The following RAPGEF1 variants were observed in gnomAD, a reference collection of about 807,000 sequenced individuals.
RAPGEF1 encodes CRK SH3-binding GNRP.
In RAPGEF1, 33 loss-of-function variants were observed where a neutral mutation model predicts 143.3. The ratio of observed to expected loss-of-function variants is 0.23; its 90% CI spans 0.17 to 0.31. RAPGEF1 has a LOEUF of 0.31. Among genes scored for constraint, RAPGEF1 ranks in the 10% least tolerant of loss-of-function variants. The pLI, the probability that RAPGEF1 is intolerant of heterozygous loss-of-function variation, is 1.00. For missense variants in RAPGEF1, 1,199 were observed against 1,645.4 expected (o/e 0.73, Z 4.69); for synonymous variants, 629 against 676.5 (o/e 0.93, Z 1.09).
At chr9:131,601,023 T>C (rs1956179247) in intron 15 of RAPGEF1, among the ~76,000 whole-genome samples, 1 of 151,908 alleles carries the variant, frequency 6.6e-6, no homozygotes, top group Non-Finnish European at 1.5e-5. Context: ...AAATAAAAAC[T>C]TAGCCGGGCA....
In RAPGEF1 at chr9:131,589,954, G is replaced by A. The variant is rs777346688; in HGVS notation, c.2799C>T (p.Ala933=). Residue 933 remains alanine (A), a synonymous_variant, in exon 19 of 27, where the codon GCC becomes GCT. Transcript: ENST00000683357. The stretch of plus-strand genomic sequence containing the variant: ...TGCTGACGCGCTTCTTGAATGTGTC[G>A]GCAAAGGGAGAGAATTTCTCATATG... The part of the protein sequence containing the change: ...QYRYEKFSPF[A]DTFKKRVSKN... The A allele has an allele frequency of 3.7e-6, 6 of 1,613,518 alleles. No homozygotes were observed. The highest frequency in any genetic ancestry group is 1.7e-5 in the Admixed American group (1 of 59,988).
Position 131,603,993 on chromosome 9 carries a change from G to C in RAPGEF1, c.2380C>G (p.Gln794Glu). ...GAGGGAGCCAGCTCCTCGCTGCTCT[G>C]GCCAGAGGAATACAGATTGACATAT... ...GEYVNLYSSG[Q>E]SSEELAPSRG... The change falls in exon 14 of 27, where the codon CAG becomes GAG. Residue 794 changes from glutamine to glutamate, a missense_variant. Transcript: ENST00000683357. 7.5e-7 allele frequency: 1 copy of C among 1,337,716 alleles called. No homozygotes were observed. The highest frequency in any genetic ancestry group is 9.9e-7 in the Non-Finnish European group (1 of 1,005,884). The allele number at this position is 1,337,716 out of a possible 1,614,324, so 82.9% of individuals were successfully genotyped here. A position where few individuals can be genotyped will look rare whatever the true frequency, so the allele number is the denominator to read the frequency against.
rs564927226 is a variant in RAPGEF1 at position 131,644,394 on chromosome 9, A to T, written c.316-977T>A. Among the ~76,000 whole-genome samples the T allele has an allele frequency of 1.2e-4, 8 of 66,156 alleles. No individual in the cohort carries two copies. The East Asian group carries it at 5.9e-3, about 49-fold the overall frequency. The allele number at this position is 66,156 out of a possible 152,430, so 43.4% of individuals were successfully genotyped here. Reference sequence around the variant, plus strand: ...GTTCTGGTTTGGGAGGCTGTCCTTTAAAAAAAAAAAAAAAAAGAGTAGTCT... The same window carrying T: ...GTTCTGGTTTGGGAGGCTGTCCTTTTAAAAAAAAAAAAAAAAGAGTAGTCT... On this transcript the variant is annotated intron_variant, in intron 3 of 26. Transcript: ENST00000683357.
chr9:131,582,383 G>T (rs2132095651), intron 25 of RAPGEF1, among the ~76,000 whole-genome samples: 1 of 151,816 alleles, frequency 6.6e-6, no homozygotes, highest in Admixed American at 6.6e-5. Flanking sequence ...CTTCTTTTCT[G>T]TTTAAACTGT....
chr9:131,625,905 G>C lies in RAPGEF1; in HGVS notation c.1702+17C>G, dbSNP rs1309340015. On this transcript the variant is annotated intron_variant, in intron 10 of 26. Transcript: ENST00000683357. ...TTATAAAATGCACTTCCTGACAACA[G>C]TGCAACAAAGGCTTACTGTGTTTGT... 2 of 1,536,036 alleles carry C rather than the reference G, an allele frequency of 1.3e-6. No homozygotes were observed. Among genetic ancestry groups the C allele is most frequent in the African/African-American group, 2.8e-5 (2 of 72,618 alleles).
intron 12 of RAPGEF1, among the ~76,000 whole-genome samples, chr9:131,612,088 C>T (rs190078331): frequency 2.0e-5 from 3 of 152,304 alleles, no homozygotes; most frequent in South Asian, 2.1e-4. Flanking sequence ...GAAGTAAAGG[C>T]GAGAGGCACT....
At chr9:131,593,139 G>C (rs770242500) in intron 17 of RAPGEF1, among the ~76,000 whole-genome samples, 4 of 152,244 alleles carry the variant, frequency 2.6e-5, no homozygotes, top group Non-Finnish European at 4.4e-5. Flanking sequence ...CTTGGGCCGG[G>C]TACCAAGGAG....
chr9:131,729,127 G>A (rs74383038), intron 1 of RAPGEF1, among the ~76,000 whole-genome samples: 14,267 of 152,290 alleles, frequency 0.094, 797 homozygotes, highest in Middle Eastern at 0.27. Flanking sequence ...CAGTGCATCA[G>A]TGCAGGCCCA....
intron 1 of RAPGEF1, chr9:131,725,285 A>G (rs1836571487): frequency 6.6e-6 from 1 of 152,106 alleles, no homozygotes; most frequent in South Asian, 2.1e-4. Context: ...GTGCCAGTTC[A>G]CCCCTTGTTA....
At chr9:131,639,291 G>A (rs1401144563) in intron 4 of RAPGEF1, among the ~76,000 whole-genome samples, 3 of 152,170 alleles carry the variant, frequency 2.0e-5, no homozygotes, top group Non-Finnish European at 2.9e-5. Flanking sequence ...GAATTCCTCC[G>A]TCACGGGGCC....
intron 1 of RAPGEF1, among the ~76,000 whole-genome samples, chr9:131,713,099 T>C (rs1040917385): frequency 5.3e-5 from 8 of 152,226 alleles, no homozygotes; most frequent in South Asian, 2.1e-4. Flanking sequence ...TCTTCACAAA[T>C]GGGAAGAATC....
intron 1 of RAPGEF1, among the ~76,000 whole-genome samples, chr9:131,674,215 T>C (rs1831893040): frequency 6.6e-6 from 1 of 152,164 alleles, no homozygotes; most frequent in Admixed American, 6.5e-5. Flanking sequence ...TTTTTAAATT[T>C]TTCATCAAAA....
chr9:131,675,275 C>A lies in RAPGEF1; in HGVS notation c.62-24326G>T, dbSNP rs776766075. On this transcript the variant is annotated intron_variant, in intron 1 of 26. Coordinates refer to ENST00000683357, the MANE Select transcript of RAPGEF1 (RefSeq NM_001377935.1). The surrounding 1 kb of genome is among the most constrained non-coding windows in gnomAD (Gnocchi z 4.6). ...GATGAGCACATCTGGAAGGCCCCAG[C>A]CCAGCAGGGTCAGCTGAACAGGTGA... Among the ~76,000 whole-genome samples the A allele has an allele frequency of 1.3e-4, 20 of 152,132 alleles. No individual in the cohort carries two copies. The highest frequency in any genetic ancestry group is 2.6e-4 in the Non-Finnish European group (18 of 68,026).
At chr9:131,700,857 G>A (rs1834587254) in intron 1 of RAPGEF1, among the ~76,000 whole-genome samples, 1 of 152,192 alleles carries the variant, frequency 6.6e-6, no homozygotes, top group South Asian at 2.1e-4. Context: ...TAGCCTGCAA[G>A]TGAAGAATGG....
intron 1 of RAPGEF1, among the ~76,000 whole-genome samples, chr9:131,673,701 G>GC (rs1013729412): frequency 3.0e-4 from 45 of 152,104 alleles, no homozygotes; most frequent in African/African-American, 1.1e-3. Flanking sequence ...CCCCCCGGCC[G>GC]CCCCACCCAA....
At chr9:131,654,206 G>C (rs145720592) in intron 1 of RAPGEF1, among the ~76,000 whole-genome samples, 115 of 151,984 alleles carry the variant, frequency 7.6e-4, no homozygotes, top group African/African-American at 2.5e-3. Flanking sequence ...TTAGAATATG[G>C]TGATGGTTGT....
Position 131,650,355 on chromosome 9 carries a change from T to TG in RAPGEF1, c.202-114dup, listed in dbSNP as rs1970769735. ...TCAACATATCTGGCTTGACTGGCCC[T>TG]GCTGAGGCCACTAACTCTTGAGGAC... On this transcript the variant is annotated intron_variant, in intron 2 of 26. Coordinates refer to ENST00000683357, the MANE Select transcript of RAPGEF1 (RefSeq NM_001377935.1). The surrounding 1 kb of genome is among the most constrained non-coding windows in gnomAD (Gnocchi z 4.7). 1 of 740,824 alleles carries TG rather than the reference T, an allele frequency of 1.3e-6. No homozygotes were observed. Among genetic ancestry groups the TG allele is most frequent in the African/African-American group, 1.8e-5 (1 of 56,594 alleles). The allele number at this position is 740,824 out of a possible 1,614,324, so 45.9% of individuals were successfully genotyped here. A position where few individuals can be genotyped will look rare whatever the true frequency, so the allele number is the denominator to read the frequency against.
chr9:131,601,911 AAAC>A, intron 15 of RAPGEF1, 147 bp downstream of exon 15: 1 of 632,960 alleles, frequency 1.6e-6, no homozygotes, highest in East Asian at 2.8e-5. Context: ...TGTCTCTAAA[AAAC>A]AAAAAAAGGA....
rs1032588419 is a variant in RAPGEF1, at chr9:131,667,406, A to G, written c.62-16457T>C. ...GTCCCAGACTATGGAGCCCTCCCAC[A>G]CCCTCTTCCTACACGGAGGTACTGC... On this transcript the variant is annotated intron_variant, in intron 1 of 26. Coordinates refer to ENST00000683357, the MANE Select transcript of RAPGEF1 (RefSeq NM_001377935.1). This position sits in a 1 kb window ranked among gnomAD's most constrained non-coding sequence, Gnocchi z 4.6. 2.6e-5 allele frequency among the ~76,000 whole-genome samples: 4 copies of G among 151,884 alleles called. No homozygotes were observed. Among genetic ancestry groups the G allele is most frequent in the Non-Finnish European group, 5.9e-5 (4 of 67,950 alleles).
Sources: allele counts gnomAD v4.1 joint callset (sites outside exome capture counted in the v4.1 genomes callset), GRCh38; gene constraint gnomAD v4.1.1; non-coding constraint Gnocchi (gnomAD v3.1); transcripts MANE v1.5; gene names NCBI Gene and HGNC (gene_info 2026-07-23, HGNC 2026-07-21).